The following PTGR2 variants were observed in gnomAD, a reference collection of about 807,000 sequenced individuals.
PTGR2 encodes 15-oxoprostaglandin 13-reductase.
In PTGR2, 32 loss-of-function variants were observed where a neutral mutation model predicts 43.4. That is an observed-to-expected ratio of 0.74 (90% CI 0.56 to 0.99). The LOEUF (loss-of-function observed/expected upper bound fraction) is 0.99, where lower values mean the gene tolerates loss of function less well. Among genes scored for constraint, PTGR2 ranks in the 50% least tolerant of loss-of-function variants. The pLI is 0.00. For synonymous variants in PTGR2, 106 were observed against 139.2 expected, an observed-to-expected ratio of 0.76 and a Z score of 1.68; for missense variants, 373 against 420.0, an observed-to-expected ratio of 0.89 and a Z score of 0.98.
intron 4 of PTGR2, among the ~76,000 whole-genome samples, chr14:73,876,483 CTT>C (rs766810794): frequency 1.3e-4 from 14 of 108,524 alleles, no homozygotes; most frequent in South Asian, 4.1e-4. Context: ...GACATAAGTC[CTT>C]TTTTTTTTTT....
rs766810794 is a variant in PTGR2 at position 73,876,483 on chromosome 14, C to CTTTTTTTTTTTTTTT, written c.349-513_349-499dup. Among the ~76,000 whole-genome samples, 102 of 108,524 alleles carry CTTTTTTTTTTTTTTT rather than the reference C, an allele frequency of 9.4e-4. 7 individuals are homozygous for CTTTTTTTTTTTTTTT. The highest frequency in any genetic ancestry group is 7.4e-3 in the East Asian group (24 of 3,228). The allele number at this position is 108,524 out of a possible 152,430, so 71.2% of individuals were successfully genotyped here. Reference sequence around the variant, plus strand: ...TCTTCTTCTTCTAAGGACATAAGTCCTTTTTTTTTTTTTTTTGAGATGAAG... The same window carrying CTTTTTTTTTTTTTTT: ...TCTTCTTCTTCTAAGGACATAAGTCCTTTTTTTTTTTTTTTTTTTTTTTTTTTTTTTGAGATGAAG... On this transcript the variant is annotated intron_variant, in intron 4 of 9. Transcript: ENST00000555661.
rs752895427 is a variant in PTGR2, at chr14:73,884,161, A to G, written c.1040A>G (p.Glu347Gly). The G allele has an allele frequency of 6.3e-7, 1 of 1,598,488 alleles. No individual in the cohort carries two copies. Among genetic ancestry groups the G allele is most frequent in the Admixed American group, 1.7e-5 (1 of 59,396 alleles). ...NIGKQIVCIS[E>G]EISL ...GGAAAGCAGATAGTTTGCATTTCAGAAGAAATCTCTTTGTAATTGCTGTAA... is the reference window on the plus strand; with the variant it reads ...GGAAAGCAGATAGTTTGCATTTCAGGAGAAATCTCTTTGTAATTGCTGTAA... The change falls in exon 10 of 10, where the codon GAA becomes GGA. Residue 347 changes from glutamate (E) to glycine (G), a missense_variant. Glu to Gly is a moderately conservative substitution (Grantham distance 98). Transcript: ENST00000555661.
Position 73,875,538 on chromosome 14 carries a change from A to G in PTGR2, c.348+1324A>G, listed in dbSNP as rs188321911. On this transcript the variant is annotated intron_variant, in intron 4 of 9. Coordinates refer to ENST00000555661, the MANE Select transcript of PTGR2 (RefSeq NM_001146154.2). ...TTTTTGTATTTTTAGTAGAGATGGG[A>G]TTTCAGCATCTTGGCCAGGGTGGTG... Among the ~76,000 whole-genome samples, 656 of 150,922 alleles carry G rather than the reference A, an allele frequency of 4.3e-3. 6 individuals carry two copies. The highest frequency in any genetic ancestry group is 0.015 in the African/African-American group (635 of 41,084).
chr14:73,882,116 A>G (rs6574151), intron 8 of PTGR2, among the ~76,000 whole-genome samples: 98,400 of 151,902 alleles, frequency 0.65, 32,105 homozygotes, highest in South Asian at 0.72. Flanking sequence ...GCAAATGATA[A>G]GCAAAGTTGT....
chr14:73,859,854 T>G (rs955930710), intron 2 of PTGR2, among the ~76,000 whole-genome samples: 1 of 150,036 alleles, frequency 6.7e-6, no homozygotes, highest in Non-Finnish European at 1.5e-5. Context: ...AATATAGATT[T>G]ACTTGTGCCT....
chr14:73,882,800 C>CCTTTTT (rs2055023189), intron 9 of PTGR2, among the ~76,000 whole-genome samples: 2 of 41,868 alleles, frequency 4.8e-5, no homozygotes, highest in East Asian at 1.1e-3. Context: ...ACGCCTGGCC[C>CCTTTTT]TTTTTTTTTT....
intron 1 of PTGR2, among the ~76,000 whole-genome samples, chr14:73,857,382 G>A (rs894308839): frequency 1.3e-5 from 2 of 151,902 alleles, no homozygotes; most frequent in Admixed American, 6.6e-5. Context: ...TGAGGCCAAG[G>A]TGGGCAGATC....
At chr14:73,880,233 A>T in intron 7 of PTGR2, 57 bp downstream of exon 7, 1 of 1,583,918 alleles carries the variant, frequency 6.3e-7, no homozygotes. Context: ...AATATCATAG[A>T]TGTGTATGAA....
Position 73,860,419 on chromosome 14 carries a change from A to G in PTGR2, c.38-120A>G, listed in dbSNP as rs2054460644. The G allele has an allele frequency of 3.9e-5, 20 of 519,014 alleles. No homozygotes were observed. In the South Asian group the frequency reaches 5.3e-4, roughly 14 times the overall value. 32.2% of individuals were successfully genotyped at this position (519,014 alleles called of 1,614,324 possible). A position where few individuals can be genotyped will look rare whatever the true frequency, so the allele number is the denominator to read the frequency against. On this transcript the variant is annotated intron_variant, in intron 2 of 9. Coordinates refer to ENST00000555661, the MANE Select transcript of PTGR2 (RefSeq NM_001146154.2). ...GAGGCAGAGGTTGCAGTAAGCCGAG[A>G]TCGCGCCACTGCATTCCAGCCTGGG...
At chr14:73,857,664 G>GTTTGTTTTTTTT (rs2054383521) in intron 1 of PTGR2, among the ~76,000 whole-genome samples, 1 of 64,696 alleles carries the variant, frequency 1.5e-5, no homozygotes, top group Non-Finnish European at 2.7e-5. Flanking sequence ...AGCAGTTAGT[G>GTTTGTTTTTTTT]TTTTTTTTTT....
intron 1 of PTGR2, among the ~76,000 whole-genome samples, chr14:73,855,339 C>T (rs2054321256): frequency 6.6e-6 from 1 of 152,076 alleles, no homozygotes; most frequent in African/African-American, 2.4e-5. Context: ...AATGACGGTT[C>T]AGACAATGAC....
Position 73,882,431 on chromosome 14 carries a change from C to A in PTGR2, c.972C>A (p.Asn324Lys). 1.3e-6 allele frequency: 2 copies of A among 1,570,100 alleles called. No individual in the cohort carries two copies. Among genetic ancestry groups the A allele is most frequent in the Non-Finnish European group, 1.8e-6 (2 of 1,140,804 alleles). ...AGACGGTAATAAATGGGTTGGAAAA[C>A]ATGGGAGGTAAGATGAATGTAGACT... Reference protein sequence around the residue: ...IKETVINGLENMGAAFQSMMT... With the variant: ...IKETVINGLEKMGAAFQSMMT... The change falls in exon 9 of 10, where the codon AAC becomes AAA. Residue 324 changes from asparagine (N) to lysine (K), a missense_variant. Physicochemically the swap from Asn to Lys is moderately conservative, Grantham distance 94. Coordinates refer to ENST00000555661, the MANE Select transcript of PTGR2 (RefSeq NM_001146154.2).
intron 1 of PTGR2, among the ~76,000 whole-genome samples, chr14:73,856,173 C>CA (rs1953549479): frequency 6.6e-6 from 1 of 152,150 alleles, no homozygotes; most frequent in Non-Finnish European, 1.5e-5. Context: ...CTGACTCATC[C>CA]AGAGCAACTT....
intron 1 of PTGR2, 81 bp from the exon 2 acceptor site, chr14:73,858,735 G>A (rs1261789826): frequency 3.3e-6 from 2 of 604,542 alleles, no homozygotes; most frequent in Non-Finnish European, 5.3e-6. Context: ...TCTTCATTGG[G>A]AAACACAAAT....
chr14:73,857,198 ATAT>A (rs1361997819), intron 1 of PTGR2, among the ~76,000 whole-genome samples: 1 of 151,046 alleles, frequency 6.6e-6, no homozygotes, highest in Non-Finnish European at 1.5e-5. Flanking sequence ...ATTCCTTGAT[ATAT>A]TACTTTTATT....
chr14:73,877,808 A>G (rs1432718921), intron 5 of PTGR2: 2 of 152,238 alleles, frequency 1.3e-5, no homozygotes, highest in African/African-American at 4.8e-5. Flanking sequence ...TTAAATTAAT[A>G]TCCTCAAATA....
intron 3 of PTGR2, among the ~76,000 whole-genome samples, chr14:73,866,773 G>A (rs1211781091): frequency 6.6e-6 from 1 of 152,064 alleles, no homozygotes; most frequent in Non-Finnish European, 1.5e-5. Context: ...CCAGTCCATT[G>A]AGGGCCTAAG....
chr14:73,854,695 T>G (rs1209328853), intron 1 of PTGR2, among the ~76,000 whole-genome samples: 1 of 152,246 alleles, frequency 6.6e-6, no homozygotes, highest in Non-Finnish European at 1.5e-5. Context: ...CTATTACTAC[T>G]TAAGGACTTT....
At chr14:73,853,114 C>G (rs1187234725) in intron 1 of PTGR2, among the ~76,000 whole-genome samples, 2 of 152,118 alleles carry the variant, frequency 1.3e-5, no homozygotes, top group Non-Finnish European at 2.9e-5. Flanking sequence ...AGCCACGGCT[C>G]TGGGCCCAGA....
Sources: allele counts gnomAD v4.1 joint callset (sites outside exome capture counted in the v4.1 genomes callset), GRCh38; gene constraint gnomAD v4.1.1; transcripts MANE v1.5; gene names NCBI Gene and HGNC (gene_info 2026-07-23, HGNC 2026-07-21).